The following C1orf94 variants were observed in gnomAD, a reference collection of about 807,000 sequenced individuals.
C1orf94 encodes uncharacterized protein C1orf94.
C1orf94 carries 45 observed loss-of-function variants against 53.6 expected under a neutral mutation model. The ratio of observed to expected loss-of-function variants is 0.84; its 90% CI spans 0.66 to 1.08. C1orf94 has a LOEUF of 1.08. Ranked by LOEUF, C1orf94 falls within the 50% of genes least tolerant of loss-of-function variation. C1orf94 has a pLI of 0.00. For synonymous variants in C1orf94, 304 were observed against 296.1 expected (o/e 1.03, Z -0.27); for missense variants, 762 against 738.9 (o/e 1.03, Z -0.36).
chr1:34,217,119 A>G (rs1643001178), intron 6 of C1orf94, among the ~76,000 whole-genome samples: 1 of 152,136 alleles, frequency 6.6e-6, no homozygotes, highest in Non-Finnish European at 1.5e-5. Flanking sequence ...CAGAAATACC[A>G]ACATAGAGGC....
chr1:34,218,601 C>A (rs1571354418), intron 6 of C1orf94, 85 bp from the exon 7 acceptor site: 1 of 1,103,106 alleles, frequency 9.1e-7, no homozygotes, highest in Non-Finnish European at 1.3e-6. Flanking sequence ...TTTCTGACAA[C>A]CATAAAATTA....
chr1:34,213,935 T>C lies in C1orf94; in HGVS notation c.1721+1529T>C, dbSNP rs557716756. On this transcript the variant is annotated intron_variant, in intron 6 of 6. Transcript: ENST00000488417. ...CCTCTCTCCCTCCCTTTCTCTTCCT[T>C]TCTCTTGTAGAGTATATCATGGTGT... 5.3e-5 allele frequency among the ~76,000 whole-genome samples: 8 copies of C among 152,242 alleles called. No homozygotes were observed. The East Asian group carries it at 9.6e-4, about 18-fold the overall frequency.
chr1:34,180,088 A>G (rs1007732988), intron 1 of C1orf94, among the ~76,000 whole-genome samples: 1 of 152,228 alleles, frequency 6.6e-6, no homozygotes, highest in Non-Finnish European at 1.5e-5. Flanking sequence ...ATTCCATTTC[A>G]GCCCCATGCC....
chr1:34,171,339 T>G (rs1015875772), intron 1 of C1orf94, among the ~76,000 whole-genome samples: 1 of 152,220 alleles, frequency 6.6e-6, no homozygotes, highest in African/African-American at 2.4e-5. Context: ...CTTCTCCTAT[T>G]TGCCCTTCAA....
chr1:34,203,943 A>G (rs1435846479), intron 4 of C1orf94, among the ~76,000 whole-genome samples: 1 of 152,208 alleles, frequency 6.6e-6, no homozygotes, highest in Non-Finnish European at 1.5e-5. Context: ...CTCCATGCCT[A>G]AGATTTCTGT....
chr1:34,181,625 A>C (rs1358620005), intron 1 of C1orf94, among the ~76,000 whole-genome samples: 2 of 152,240 alleles, frequency 1.3e-5, no homozygotes, highest in Admixed American at 6.5e-5. Context: ...AGGAGAAAAA[A>C]GAAGCAAGTA....
Position 34,176,923 on chromosome 1 carries a change from C to A in C1orf94, c.-867C>A, listed in dbSNP as rs1044895257. On this transcript the variant is annotated 5_prime_UTR_variant, in exon 1 of 7. Coordinates refer to ENST00000488417, the MANE Select transcript of C1orf94 (RefSeq NM_001134734.2). Reference sequence around the variant, plus strand: ...GGGCGCCCCGCGCACCGAGCCGTTGCGTTTGAAACCCACAGAAAGAATTCC... The same window carrying A: ...GGGCGCCCCGCGCACCGAGCCGTTGAGTTTGAAACCCACAGAAAGAATTCC... Among the ~76,000 whole-genome samples the A allele has an allele frequency of 1.4e-5, 2 of 146,322 alleles. No individual in the cohort carries two copies. Among genetic ancestry groups the A allele is most frequent in the Non-Finnish European group, 3.0e-5 (2 of 66,380 alleles).
chr1:34,180,167 T>C (rs1040453717), intron 1 of C1orf94, among the ~76,000 whole-genome samples: 2 of 152,222 alleles, frequency 1.3e-5, no homozygotes, highest in African/African-American at 4.8e-5. Flanking sequence ...TGGAGATTAA[T>C]ACTATACATT....
At chr1:34,210,379 C>G (rs144024160) in intron 5 of C1orf94, among the ~76,000 whole-genome samples, 11 of 152,120 alleles carry the variant, frequency 7.2e-5, no homozygotes, top group Non-Finnish European at 1.6e-4. Context: ...TGGGGAAGAC[C>G]GGGAGGGAGG....
chr1:34,180,206 G>T (rs993623495), intron 1 of C1orf94, among the ~76,000 whole-genome samples: 1 of 152,140 alleles, frequency 6.6e-6, no homozygotes, highest in Non-Finnish European at 1.5e-5. Flanking sequence ...GATTAAATGG[G>T]ATATTTAAAC....
intron 4 of C1orf94, 89 bp downstream of exon 4, chr1:34,202,348 A>C: frequency 1.0e-5 from 15 of 1,432,988 alleles, no homozygotes; most frequent in Non-Finnish European, 1.4e-5. Context: ...TATTTCACAG[A>C]GTCTTTAGAC....
Position 34,180,761 on chromosome 1 carries a change from T to C in C1orf94, c.320+2652T>C, listed in dbSNP as rs529039484. 2.0e-5 allele frequency among the ~76,000 whole-genome samples: 3 copies of C among 152,376 alleles called. No homozygotes were observed. In the South Asian group the frequency reaches 6.2e-4, roughly 32 times the overall value. ...CAAGATATCTCTCAGCTGGTCTTTC[T>C]GCTGCTTAATTTGTAGACCTGGTTT... is the stretch of plus-strand genomic sequence containing the variant. On this transcript the variant is annotated intron_variant, in intron 1 of 6. Transcript: ENST00000488417.
At chr1:34,186,379 A>G (rs1012767160) in intron 1 of C1orf94, among the ~76,000 whole-genome samples, 51 of 152,268 alleles carry the variant, frequency 3.3e-4, no homozygotes, top group African/African-American at 1.1e-3. Flanking sequence ...GTTCATCATC[A>G]TCATCACCAT....
At chr1:34,189,528 A>G (rs1642446681) in intron 1 of C1orf94, among the ~76,000 whole-genome samples, 1 of 152,174 alleles carries the variant, frequency 6.6e-6, no homozygotes. Flanking sequence ...TGTGACATGC[A>G]CCAGAGAAAT....
intron 4 of C1orf94, among the ~76,000 whole-genome samples, chr1:34,203,009 C>T (rs975075415): frequency 5.9e-5 from 9 of 152,174 alleles, no homozygotes; most frequent in Non-Finnish European, 7.3e-5. Context: ...CAGGAGCATG[C>T]GCATAAGCTA....
chr1:34,204,251 A>G (rs1422749699), intron 4 of C1orf94, among the ~76,000 whole-genome samples: 2 of 152,200 alleles, frequency 1.3e-5, no homozygotes, highest in African/African-American at 4.8e-5. Flanking sequence ...AGACTCTTCA[A>G]GCTGGTCCAC....
At chr1:34,170,453 T>TG (rs1313165921) in intron 1 of C1orf94, among the ~76,000 whole-genome samples, 1 of 151,842 alleles carries the variant, frequency 6.6e-6, no homozygotes, top group African/African-American at 2.4e-5. Flanking sequence ...AAGCACAGAG[T>TG]GGGCCAGCTC....
chr1:34,209,971 G>T (rs145032159), intron 5 of C1orf94, among the ~76,000 whole-genome samples: 1 of 151,980 alleles, frequency 6.6e-6, no homozygotes, highest in South Asian at 2.1e-4. Context: ...ATATTTTCCC[G>T]GCAATATCTA....
intron 4 of C1orf94, 104 bp from the exon 5 acceptor site, chr1:34,208,053 G>A (rs1266107195): frequency 1.7e-6 from 2 of 1,152,298 alleles, no homozygotes; most frequent in East Asian, 2.6e-5. Context: ...GGTCAGCAAT[G>A]TGATGGGACA....
Sources: allele counts gnomAD v4.1 joint callset (sites outside exome capture counted in the v4.1 genomes callset), GRCh38; gene constraint gnomAD v4.1.1; transcripts MANE v1.5; gene names NCBI Gene and HGNC (gene_info 2026-07-23, HGNC 2026-07-21).